EXOC4: variants seen among roughly 807,000 people sequenced by gnomAD.
The protein encoded by EXOC4 is exocyst complex component 4.
In EXOC4, 71 loss-of-function variants were observed where a neutral mutation model predicts 107.2. The ratio of observed to expected loss-of-function variants is 0.66; its 90% CI spans 0.55 to 0.81. The LOEUF (loss-of-function observed/expected upper bound fraction) is 0.81, where lower values mean the gene tolerates loss of function less well. Ranked by LOEUF, EXOC4 falls within the 30% of genes least tolerant of loss-of-function variation. The pLI, the probability that EXOC4 is intolerant of heterozygous loss-of-function variation, is 0.00. For missense variants in EXOC4, 1,108 were observed against 1,189.6 expected (o/e 0.93, Z 1.01); for synonymous variants, 456 against 441.2 (o/e 1.03, Z -0.42).
chr7:133,862,387 G>A (rs111873261), intron 11 of EXOC4, among the ~76,000 whole-genome samples: 6 of 152,138 alleles, frequency 3.9e-5, no homozygotes, highest in African/African-American at 1.4e-4. Context: ...GAAGGCTGAG[G>A]CAGGAGAATC....
chr7:133,418,089 G>A lies in EXOC4; in HGVS notation c.1182+43087G>A, dbSNP rs149153846. Among the ~76,000 whole-genome samples the A allele has an allele frequency of 2.7e-3, 414 of 152,250 alleles. 1 individual carries two copies. The highest frequency in any genetic ancestry group is 3.4e-3 in the Non-Finnish European group (234 of 68,016). On this transcript the variant is annotated intron_variant, in intron 7 of 17. Coordinates refer to ENST00000253861, the MANE Select transcript of EXOC4 (RefSeq NM_021807.4). ...TTATTAGTTTCACTCATCTCATAAAGATAATGTCATCAAACATGTTATGAA... is the reference window on the plus strand; with the variant it reads ...TTATTAGTTTCACTCATCTCATAAAAATAATGTCATCAAACATGTTATGAA...
chr7:133,639,897 A>G lies in EXOC4; in HGVS notation c.1514+9756A>G, dbSNP rs1016351015. ...GTATTCAATAATGTCAAGAAGAAAA[A>G]AAAACTAACACTAACAAGTTTCTAG... is the stretch of plus-strand genomic sequence containing the variant. On this transcript the variant is annotated intron_variant, in intron 10 of 17. Coordinates refer to ENST00000253861, the MANE Select transcript of EXOC4 (RefSeq NM_021807.4). 5.3e-5 allele frequency among the ~76,000 whole-genome samples: 8 copies of G among 152,154 alleles called. 1 individual carries two copies. Among genetic ancestry groups the G allele is most frequent in the African/African-American group, 1.9e-4 (8 of 41,442 alleles).
At chr7:133,299,269 T>TG (rs1794589619) in intron 3 of EXOC4, among the ~76,000 whole-genome samples, 1 of 152,008 alleles carries the variant, frequency 6.6e-6, no homozygotes, top group South Asian at 2.1e-4. Context: ...GAAATTAGGG[T>TG]GGGACCCCAG....
chr7:133,713,544 AAC>A (rs1258189575), intron 10 of EXOC4, among the ~76,000 whole-genome samples: 1 of 152,208 alleles, frequency 6.6e-6, no homozygotes, highest in Non-Finnish European at 1.5e-5. Context: ...TAAGTAAACA[AAC>A]ACAAGAAAGG....
intron 16 of EXOC4, among the ~76,000 whole-genome samples, chr7:134,006,653 A>G (rs1212498294): frequency 6.6e-6 from 1 of 152,172 alleles, no homozygotes; most frequent in African/African-American, 2.4e-5. Context: ...GTCTCGGGGA[A>G]GGGACTAGAC....
downstream of EXOC4, among the ~76,000 whole-genome samples, chr7:134,070,646 G>A (rs907227052): frequency 1.3e-5 from 2 of 152,164 alleles, no homozygotes; most frequent in African/African-American, 4.8e-5. Context: ...AGACGCGTCT[G>A]TAATTAAAAA....
At chr7:133,363,741 A>G (rs1356398392) in intron 6 of EXOC4, among the ~76,000 whole-genome samples, 1 of 152,172 alleles carries the variant, frequency 6.6e-6, no homozygotes, top group African/African-American at 2.4e-5. Context: ...CTTTATTTAG[A>G]TGGCAGCCAT....
intron 10 of EXOC4, among the ~76,000 whole-genome samples, chr7:133,654,682 A>G (rs979635122): frequency 1.3e-5 from 2 of 152,178 alleles, no homozygotes; most frequent in African/African-American, 2.4e-5. Context: ...GGCGTCATTC[A>G]TAATAAAATA....
chr7:133,573,388 C>T (rs1321417672), intron 9 of EXOC4, among the ~76,000 whole-genome samples: 1 of 152,118 alleles, frequency 6.6e-6, no homozygotes, highest in Admixed American at 6.5e-5. Context: ...GAGGAAGAAC[C>T]AGTTTCAGCG....
At chr7:133,866,948 A>G (rs1798653986) in intron 11 of EXOC4, among the ~76,000 whole-genome samples, 1 of 152,186 alleles carries the variant, frequency 6.6e-6, no homozygotes, top group Admixed American at 6.5e-5. Flanking sequence ...GATTCTGTCC[A>G]TCGTCGTCTT....
At chr7:133,797,647 A>G (rs1379648171) in intron 10 of EXOC4, among the ~76,000 whole-genome samples, 1 of 152,194 alleles carries the variant, frequency 6.6e-6, no homozygotes, top group Middle Eastern at 3.2e-3. Flanking sequence ...CTGGTGGGGA[A>G]GAAGTAGTAA....
chr7:133,794,647 G>A (rs2542262), intron 10 of EXOC4, among the ~76,000 whole-genome samples: 150,238 of 152,246 alleles, frequency 0.99, 74,169 homozygotes, highest in Middle Eastern at 1. Context: ...CTGTCATTAC[G>A]TTAGTTCCCT....
intron 11 of EXOC4, among the ~76,000 whole-genome samples, chr7:133,840,371 A>T (rs1798000506): frequency 6.6e-6 from 1 of 152,194 alleles, no homozygotes; most frequent in Admixed American, 6.5e-5. Context: ...TAAAATCATA[A>T]AGGATAGCAA....
At chr7:133,373,606 T>G (rs1431911694) in intron 6 of EXOC4, among the ~76,000 whole-genome samples, 2 of 152,224 alleles carry the variant, frequency 1.3e-5, no homozygotes, top group East Asian at 3.8e-4. Flanking sequence ...TATAACCCCT[T>G]ATTTATGGTA....
At chr7:133,683,403 A>G (rs1202711878) in intron 10 of EXOC4, among the ~76,000 whole-genome samples, 1 of 152,098 alleles carries the variant, frequency 6.6e-6, no homozygotes, top group Admixed American at 6.6e-5. Context: ...GCGTTGGTTC[A>G]TATCTTGGGG....
chr7:134,021,680 G>T (rs1795032461), intron 17 of EXOC4, among the ~76,000 whole-genome samples: 1 of 139,544 alleles, frequency 7.2e-6, no homozygotes. Flanking sequence ...CCAAAGAATT[G>T]TGCACCTTCT....
chr7:133,960,801 C>G (rs557318039), intron 14 of EXOC4, among the ~76,000 whole-genome samples: 2 of 152,256 alleles, frequency 1.3e-5, no homozygotes, highest in South Asian at 2.1e-4. Context: ...ACAGAACTTG[C>G]AAGTTTGACA....
At chr7:133,439,182 C>CTTTTTTTT (rs35280420) in intron 7 of EXOC4, among the ~76,000 whole-genome samples, 47 of 94,050 alleles carry the variant, frequency 5.0e-4, no homozygotes, top group East Asian at 1.0e-3. Flanking sequence ...TTCATCAGTT[C>CTTTTTTTT]TTTTTTTTTT....
chr7:133,265,387 C>G (rs1015657102), intron 1 of EXOC4, among the ~76,000 whole-genome samples: 1 of 150,116 alleles, frequency 6.7e-6, no homozygotes, highest in South Asian at 2.1e-4. Context: ...GCCTGAGTGA[C>G]AGAGCTAGAC....
Sources: gnomAD v4.1 joint callset for allele counts (sites outside exome capture counted in the v4.1 genomes callset) on GRCh38, gnomAD v4.1.1 for gene constraint, MANE v1.5 for transcripts, NCBI Gene and HGNC (gene_info 2026-07-23, HGNC 2026-07-21) for gene names.